KPNA2: variants seen among roughly 807,000 people sequenced by gnomAD.
The protein encoded by KPNA2 is karyopherin subunit alpha 2, also known as importin subunit alpha-1.
KPNA2 carries 20 observed loss-of-function variants against 53.7 expected under a neutral mutation model. The ratio of observed to expected loss-of-function variants is 0.37; its 90% CI spans 0.26 to 0.54. The LOEUF is 0.54. KPNA2 is among the 20% of genes least tolerant of loss of function. The probability of loss-of-function intolerance (pLI) is 0.83; values close to 1 mark genes in which losing one functional copy is unlikely to be tolerated. For synonymous variants in KPNA2, 238 were observed against 227.5 expected (o/e 1.05, Z -0.42); for missense variants, 515 against 640.3 (o/e 0.80, Z 2.11).
chr17:68,040,394 C>T (rs530684965), intron 3 of KPNA2, among the ~76,000 whole-genome samples: 66 of 151,802 alleles, frequency 4.3e-4, no homozygotes, highest in Non-Finnish European at 8.8e-5. Flanking sequence ...CATGCCTGTC[C>T]TTCTCGTTCA....
intron 7 of KPNA2, 102 bp from the exon 8 acceptor site, chr17:68,043,736 A>G: frequency 1.4e-6 from 1 of 731,766 alleles, no homozygotes; most frequent in South Asian, 1.7e-5. Flanking sequence ...AATATTGCCT[A>G]TTTCAGGCCA....
chr17:68,045,084 CTG>C (rs1295719882), intron 9 of KPNA2, among the ~76,000 whole-genome samples: 13 of 132,206 alleles, frequency 9.8e-5, no homozygotes, highest in Admixed American at 9.7e-4. Flanking sequence ...AAGAGTGAAA[CTG>C]TCTTAAAAAA....
At position 68,043,245 on chromosome 17, in the gene KPNA2, C is replaced by T. The variant is rs2071284725; in HGVS notation, c.812C>T (p.Thr271Ile). 1.2e-6 allele frequency: 2 copies of T among 1,614,004 alleles called. No individual in the cohort carries two copies. The change falls in exon 7 of 11, where the codon ACC becomes ATC. Residue 271 changes from threonine to isoleucine, a missense_variant. Thr to Ile is a moderately conservative substitution (Grantham distance 89). Coordinates refer to ENST00000330459, the MANE Select transcript of KPNA2 (RefSeq NM_002266.4). Reference sequence around the variant, plus strand: ...GATGATCCAGAAGTATTAGCAGATACCTGCTGGGCTATTTCCTACCTTACT... The same window carrying T: ...GATGATCCAGAAGTATTAGCAGATATCTGCTGGGCTATTTCCTACCTTACT... ...HHDDPEVLADTCWAISYLTDG... is the reference protein window; with the variant it reads ...HHDDPEVLADICWAISYLTDG...
chr17:68,042,329 G>C lies in KPNA2; in HGVS notation c.547G>C (p.Val183Leu). Residue 183 changes from valine (V) to leucine (L), a missense_variant, in exon 5 of 11, where the codon GTC (valine) becomes CTC (leucine). Transcript: ENST00000330459. ...SPHAHISEQA[V>L]WALGNIAGDG... ...CCATGCTCACATCAGTGAACAAGCTGTCTGGGCTCTAGGAAACATTGCAGG... is the reference window on the plus strand; with the variant it reads ...CCATGCTCACATCAGTGAACAAGCTCTCTGGGCTCTAGGAAACATTGCAGG... The C allele has an allele frequency of 6.2e-7, 1 of 1,614,196 alleles. No individual in the cohort carries two copies. Among genetic ancestry groups the C allele is most frequent in the Non-Finnish European group, 8.5e-7 (1 of 1,180,016 alleles).
In KPNA2 at chr17:68,044,325, A is replaced by G; in HGVS notation, c.1169A>G (p.Asp390Gly). Residue 390 changes from aspartate to glycine, a missense_variant, in exon 9 of 11, where the codon GAT (aspartate) becomes GGT (glycine). Coordinates refer to ENST00000330459, the MANE Select transcript of KPNA2 (RefSeq NM_002266.4). ...PFLVSVLSKADFKTQKEAVWA... is the reference protein window; with the variant it reads ...PFLVSVLSKAGFKTQKEAVWA... ...CCATTTCCTTATGTTTAATAGGCAG[A>G]TTTTAAGACACAAAAGGAAGCTGTG... The G allele has an allele frequency of 6.2e-7, 1 of 1,610,122 alleles. No individual in the cohort carries two copies. Among genetic ancestry groups the G allele is most frequent in the Non-Finnish European group, 8.5e-7 (1 of 1,178,640 alleles).
chr17:68,037,472 C>T lies in KPNA2; in HGVS notation c.190C>T (p.Leu64=), dbSNP rs1555703949. 6.2e-7 allele frequency: 1 copy of T among 1,612,776 alleles called. No individual in the cohort carries two copies. Among genetic ancestry groups the T allele is most frequent in the Non-Finnish European group, 8.5e-7 (1 of 1,179,634 alleles). ...ATTTCCTGATGATGCTACTTCTCCGCTGCAGGAAAACCGCAACAACCAGGT... is the reference window on the plus strand; with the variant it reads ...ATTTCCTGATGATGCTACTTCTCCGTTGCAGGAAAACCGCAACAACCAGGT... ...SSFPDDATSP[L]QENRNNQGTV... The change falls in exon 3 of 11, where the codon CTG becomes TTG. Residue 64 remains leucine, a synonymous_variant. Transcript: ENST00000330459.
rs1555705077 is a variant in KPNA2, at chr17:68,044,058, G to T, written c.1151G>T (p.Ser384Ile). ...CATGGATTAGTCCCATTCCTTGTCA[G>T]TGTTCTCTCTAAGGTAACGAAGTCT... ...VNHGLVPFLV[S>I]VLSKADFKTQ... is the part of the protein sequence containing the mutation. The change falls in exon 8 of 11, where the codon AGT becomes ATT. Residue 384 changes from serine to isoleucine, a missense_variant. Coordinates refer to ENST00000330459, the MANE Select transcript of KPNA2 (RefSeq NM_002266.4). The T allele has an allele frequency of 3.7e-6, 6 of 1,611,856 alleles. No homozygotes were observed. The highest frequency in any genetic ancestry group is 5.1e-6 in the Non-Finnish European group (6 of 1,177,962).
chr17:68,037,585 T>C (rs1599138032), intron 3 of KPNA2, 90 bp downstream of exon 3: 1 of 1,266,284 alleles, frequency 7.9e-7, no homozygotes. Context: ...TTAACATTTC[T>C]AGTCTTAACG....
chr17:68,036,355 C>T (rs1421912770), intron 1 of KPNA2: 3 of 152,260 alleles, frequency 2.0e-5, no homozygotes, highest in Non-Finnish European at 4.4e-5. Context: ...CCTAATTAAG[C>T]GCATTCACTC....
intron 5 of KPNA2, 116 bp from the exon 6 acceptor site, chr17:68,042,789 A>G: frequency 1.3e-6 from 1 of 769,724 alleles, no homozygotes; most frequent in Non-Finnish European, 2.1e-6. Flanking sequence ...GCTTGAACCC[A>G]GGAGGCGGAG....
chr17:68,035,973 C>T (rs544437472), intron 1 of KPNA2, 133 bp downstream of exon 1: 1 of 152,354 alleles, frequency 6.6e-6, no homozygotes, highest in South Asian at 2.1e-4. Flanking sequence ...GACTAGGCCT[C>T]GGGGGCGACG....
At chr17:68,036,466 G>C (rs1413693938) in intron 1 of KPNA2, 1 of 152,250 alleles carries the variant, frequency 6.6e-6, no homozygotes, top group African/African-American at 2.4e-5. Flanking sequence ...TAATTTTCGA[G>C]TCTGCACCTA....
At position 68,043,878 on chromosome 17, in the gene KPNA2, C is replaced by T. The variant is rs1555705014; in HGVS notation, c.971C>T (p.Thr324Ile). The T allele has an allele frequency of 6.2e-7, 1 of 1,612,812 alleles. No homozygotes were observed. Among genetic ancestry groups the T allele is most frequent in the Non-Finnish European group, 8.5e-7 (1 of 1,179,300 alleles). ...GCCATAGGGAATATTGTCACTGGTA[C>T]AGATGAACAGACTCAGGTTGTGATT... is the stretch of plus-strand genomic sequence containing the variant. ...LRAIGNIVTG[T>I]DEQTQVVIDA... The change falls in exon 8 of 11, where the codon ACA becomes ATA. Residue 324 changes from threonine (T) to isoleucine (I), a missense_variant. Physicochemically the swap from Thr to Ile is moderately conservative, Grantham distance 89 (BLOSUM62 -1). Transcript: ENST00000330459.
chr17:68,039,330 A>G lies in KPNA2; in HGVS notation c.214-1348A>G, dbSNP rs565038521. ...GACACGGGGATTCACCGTGTTTCCC[A>G]GTCTGGTCTCGAACTCCTGACCTCA... On this transcript the variant is annotated intron_variant, in intron 3 of 10. Coordinates refer to ENST00000330459, the MANE Select transcript of KPNA2 (RefSeq NM_002266.4). Among the ~76,000 whole-genome samples, 31 of 151,792 alleles carry G rather than the reference A, an allele frequency of 2.0e-4. No homozygotes were observed. The South Asian group carries it at 6.0e-3, about 30-fold the overall frequency.
At chr17:68,046,290 A>T (rs1255009827) in intron 10 of KPNA2, among the ~76,000 whole-genome samples, 1 of 152,130 alleles carries the variant, frequency 6.6e-6, no homozygotes, top group Admixed American at 6.5e-5. Context: ...GGAAGAAAAA[A>T]ATCTCGGCCT....
chr17:68,040,399 C>T (rs935882336), intron 3 of KPNA2, among the ~76,000 whole-genome samples: 3 of 151,594 alleles, frequency 2.0e-5, no homozygotes, highest in South Asian at 2.1e-4. Context: ...CTGTCCTTCT[C>T]GTTCATTTTT....
intron 2 of KPNA2, 63 bp downstream of exon 2, chr17:68,037,270 GA>G (rs1244300629): frequency 6.3e-7 from 1 of 1,578,208 alleles, no homozygotes; most frequent in Non-Finnish European, 8.6e-7. Flanking sequence ...GGAAAGGGGT[GA>G]AAACTGAGGT....
At chr17:68,043,788 A>G in intron 7 of KPNA2, 50 bp from the exon 8 acceptor site, 1 of 1,200,464 alleles carries the variant, frequency 8.3e-7, no homozygotes. Context: ...TAGAATTTCT[A>G]AAGTGCTGGG....
At chr17:68,043,390 C>T in intron 7 of KPNA2, 27 bp downstream of exon 7, 3 of 1,608,348 alleles carry the variant, frequency 1.9e-6, no homozygotes, top group Non-Finnish European at 2.6e-6. Context: ...TAGATTAGGA[C>T]ATAAGTATAA....
Sources: allele counts gnomAD v4.1 joint callset (sites outside exome capture counted in the v4.1 genomes callset), GRCh38; gene constraint gnomAD v4.1.1; transcripts MANE v1.5; gene names NCBI Gene and HGNC (gene_info 2026-07-23, HGNC 2026-07-21).